PCDHGA6: variants seen among roughly 807,000 people sequenced by gnomAD.
The protein encoded by PCDHGA6 is protocadherin gamma-A6.
Under a neutral mutation model 60.6 loss-of-function variants are expected in PCDHGA6, and 41 were observed. The observed-to-expected ratio is 0.68, with a 90% CI of 0.53 to 0.88. The LOEUF (loss-of-function observed/expected upper bound fraction) is 0.88, where lower values mean the gene tolerates loss of function less well. Ranked by LOEUF, PCDHGA6 falls within the 40% of genes least tolerant of loss-of-function variation. PCDHGA6 has a pLI of 0.00. For synonymous variants in PCDHGA6, 594 were observed against 524.4 expected (o/e 1.13, Z -1.81); for missense variants, 1,312 against 1,203.0 (o/e 1.09, Z -1.34).
intron 2 of PCDHGA6, among the ~76,000 whole-genome samples, chr5:141,495,407 C>T: frequency 6.6e-6 from 1 of 152,218 alleles, no homozygotes; most frequent in East Asian, 1.9e-4. Flanking sequence ...AGGCCCCCTT[C>T]TCCGGCCCCT....
At position 141,476,761 on chromosome 5, in the gene PCDHGA6, G is replaced by C. The variant is rs1293828206; in HGVS notation, c.2425-18046G>C. ...AGCCTAGTCTCCAGTTAGTGCTGAC[G>C]GCGTTGGACGGAGGGACCCCAGCTC... On this transcript the variant is annotated intron_variant, in intron 1 of 3. Transcript: ENST00000517434. This position sits in a 1 kb window ranked among gnomAD's most constrained non-coding sequence, Gnocchi z 7.6. 6.2e-7 allele frequency: 1 copy of C among 1,613,734 alleles called. No individual in the cohort carries two copies. Among genetic ancestry groups the C allele is most frequent in the East Asian group, 2.2e-5 (1 of 44,884 alleles).
rs1156930577 is a variant in PCDHGA6, at chr5:141,375,893, C to G, written c.1810C>G (p.Leu604Val). The change falls in exon 1 of 4, where the codon CTG becomes GTG. Residue 604 changes from leucine to valine, a missense_variant. By Grantham distance (32) the Leu-to-Val change is conservative. Coordinates refer to ENST00000517434, the MANE Select transcript of PCDHGA6 (RefSeq NM_018919.3). ...VDRDSGQNAW[L>V]SYRLLKASEP... ...CAGAGACTCGGGCCAGAACGCCTGG[C>G]TGTCCTACCGCCTGCTCAAGGCCAG... 5.0e-6 allele frequency: 8 copies of G among 1,613,804 alleles called. No homozygotes were observed. Among genetic ancestry groups the G allele is most frequent in the Non-Finnish European group, 5.1e-6 (6 of 1,180,018 alleles).
intron 1 of PCDHGA6, chr5:141,393,852 G>A (rs780721020): frequency 3.1e-6 from 5 of 1,614,004 alleles, no homozygotes; most frequent in South Asian, 1.1e-5. Flanking sequence ...TAGACCAGAA[G>A]TGATCATTAC....
chr5:141,427,766 G>A lies in PCDHGA6; in HGVS notation c.2424+51259G>A, dbSNP rs549550151. The A allele has an allele frequency of 1.1e-4, 152 of 1,386,456 alleles. No homozygotes were observed. In the African/African-American group the frequency reaches 1.8e-3, roughly 17 times the overall value. The allele number at this position is 1,386,456 out of a possible 1,614,324, so 85.9% of individuals were successfully genotyped here. ...CCTACTCCATCGTTACCACTGACTT[G>A]GAGCTGCGGGCACTGTCGTCCTACG... On this transcript the variant is annotated intron_variant, in intron 1 of 3. Transcript: ENST00000517434.
At chr5:141,508,700 CCT>C in intron 3 of PCDHGA6, among the ~76,000 whole-genome samples, 1 of 152,158 alleles carries the variant, frequency 6.6e-6, no homozygotes, top group Non-Finnish European at 1.5e-5. Flanking sequence ...CCGTGTTCCT[CCT>C]CATTCTTTTC....
chr5:141,476,574 G>A lies in PCDHGA6; in HGVS notation c.2425-18233G>A, dbSNP rs746783993. ...AGCGAGGCCGTGGCTCCGGGGACGC[G>A]CTTTCCGCTCGAGAGCGCGCACGAT... is the stretch of plus-strand genomic sequence containing the variant. On this transcript the variant is annotated intron_variant, in intron 1 of 3. Coordinates refer to ENST00000517434, the MANE Select transcript of PCDHGA6 (RefSeq NM_018919.3). The surrounding 1 kb of genome is among the most constrained non-coding windows in gnomAD (Gnocchi z 7.6). 40 of 1,614,084 alleles carry A rather than the reference G, an allele frequency of 2.5e-5. No homozygotes were observed. In the African/African-American group the frequency reaches 3.7e-4, roughly 15 times the overall value.
chr5:141,437,978 C>T (rs1014157103), intron 1 of PCDHGA6, among the ~76,000 whole-genome samples: 2 of 152,212 alleles, frequency 1.3e-5, no homozygotes, highest in East Asian at 1.9e-4. Context: ...TCTTGGGATG[C>T]ACCCACCCCA....
At position 141,404,066 on chromosome 5, in the gene PCDHGA6, C is replaced by G. The variant is rs745515085; in HGVS notation, c.2424+27559C>G. The G allele has an allele frequency of 3.1e-6, 5 of 1,613,776 alleles. No individual in the cohort carries two copies. The East Asian group carries it at 8.9e-5, about 29-fold the overall frequency. On this transcript the variant is annotated intron_variant, in intron 1 of 3. Transcript: ENST00000517434. ...AACAGTAATTCTTCTTTTCAATGCT[C>G]ATGACCGAGACTCCGGGAAGAATGG...
chr5:141,421,380 G>A, intron 1 of PCDHGA6: 1 of 1,614,064 alleles, frequency 6.2e-7, no homozygotes, highest in Non-Finnish European at 8.5e-7. Context: ...ATATCTCCAA[G>A]GACCTGGGGC....
In PCDHGA6 at chr5:141,403,493, A is replaced by G. The variant is rs762825635; in HGVS notation, c.2424+26986A>G. The G allele has an allele frequency of 8.7e-6, 14 of 1,613,886 alleles. No homozygotes were observed. The highest frequency in any genetic ancestry group is 5.0e-5 in the Admixed American group (3 of 59,998). Reference sequence around the variant, plus strand: ...CAGCCCCAATCACCACTTCTCCCTGAACGTGCAGACTGGAGACAATGGAGC... The same window carrying G: ...CAGCCCCAATCACCACTTCTCCCTGGACGTGCAGACTGGAGACAATGGAGC... On this transcript the variant is annotated intron_variant, in intron 1 of 3. Coordinates refer to ENST00000517434, the MANE Select transcript of PCDHGA6 (RefSeq NM_018919.3).
chr5:141,383,913 A>G, intron 1 of PCDHGA6: 1 of 1,613,990 alleles, frequency 6.2e-7, no homozygotes, highest in Non-Finnish European at 8.5e-7. Flanking sequence ...TCACAGTTTT[A>G]GATGTAAATG....
At chr5:141,384,862 T>A in intron 1 of PCDHGA6, 1 of 1,613,686 alleles carries the variant, frequency 6.2e-7, no homozygotes, top group Non-Finnish European at 8.5e-7. Context: ...GCCTCCTCTG[T>A]CAGCCACCGT....
In PCDHGA6 at chr5:141,491,856, C is replaced by A. The variant is rs754113958; in HGVS notation, c.2425-2951C>A. On this transcript the variant is annotated intron_variant, in intron 1 of 3. Coordinates refer to ENST00000517434, the MANE Select transcript of PCDHGA6 (RefSeq NM_018919.3). This position sits in a 1 kb window ranked among gnomAD's most constrained non-coding sequence, Gnocchi z 6.9. ...TCTCGGGATCATTGGACCGTTTGCG[C>A]GAAACCAGAGTGGCCGATTAAGGGA... 6.9e-7 allele frequency: 1 copy of A among 1,458,728 alleles called. No individual in the cohort carries two copies. The highest frequency in any genetic ancestry group is 9.1e-7 in the Non-Finnish European group (1 of 1,103,072). The allele number at this position is 1,458,728 out of a possible 1,614,324, so 90.4% of individuals were successfully genotyped here. A position where few individuals can be genotyped will look rare whatever the true frequency, so the allele number is the denominator to read the frequency against.
At chr5:141,483,955 G>A (rs1244162791) in intron 1 of PCDHGA6, among the ~76,000 whole-genome samples, 1 of 144,218 alleles carries the variant, frequency 6.9e-6, no homozygotes, top group African/African-American at 2.6e-5. Flanking sequence ...ATTGTGTTGT[G>A]TTTCTGTGCT....
In PCDHGA6 at chr5:141,376,296, C is replaced by A. The variant is rs769852070; in HGVS notation, c.2213C>A (p.Ser738Ter). The A allele has an allele frequency of 2.7e-5, 44 of 1,614,066 alleles. No homozygotes were observed. The highest frequency in any genetic ancestry group is 1.6e-4 in the Middle Eastern group (1 of 6,070). The change falls in exon 1 of 4, where the codon TCG (serine) becomes TAG (stop). Residue 738 changes from serine (S) to a stop codon, truncating the protein, a stop_gained. Transcript: ENST00000517434. LOFTEE classifies it high-confidence loss of function. ...SGGGLASMPG[S>*]HFVGVEGVRA... ...GGTGGCTTAGCGAGCATGCCCGGCT[C>A]GCACTTTGTGGGCGTGGAAGGGGTT...
chr5:141,434,481 A>G (rs2097697198), intron 1 of PCDHGA6, among the ~76,000 whole-genome samples: 1 of 152,246 alleles, frequency 6.6e-6, no homozygotes, highest in Non-Finnish European at 1.5e-5. Context: ...GGCAAGGAAC[A>G]CCTGGCCCGC....
intron 1 of PCDHGA6, among the ~76,000 whole-genome samples, chr5:141,456,944 C>G (rs1172050038): frequency 6.6e-6 from 1 of 152,138 alleles, no homozygotes; most frequent in Non-Finnish European, 1.5e-5. Context: ...GCCTGGGCAA[C>G]AGAGCAAAAC....
At position 141,477,744 on chromosome 5, in the gene PCDHGA6, G is replaced by A; in HGVS notation, c.2425-17063G>A. On this transcript the variant is annotated intron_variant, in intron 1 of 3. Coordinates refer to ENST00000517434, the MANE Select transcript of PCDHGA6 (RefSeq NM_018919.3). The surrounding 1 kb of genome is among the most constrained non-coding windows in gnomAD (Gnocchi z 4.9). Reference sequence around the variant, plus strand: ...TTAACAGCTCATATCAGCGATGGGGGCACCCCGGTCCTAGCCACCAACATC... The same window carrying A: ...TTAACAGCTCATATCAGCGATGGGGACACCCCGGTCCTAGCCACCAACATC... 6.2e-7 allele frequency: 1 copy of A among 1,613,778 alleles called. No homozygotes were observed. The highest frequency in any genetic ancestry group is 8.5e-7 in the Non-Finnish European group (1 of 1,180,028).
intron 1 of PCDHGA6, among the ~76,000 whole-genome samples, chr5:141,447,631 A>G (rs59518107): frequency 0.11 from 16,809 of 152,214 alleles, 1,093 homozygotes; most frequent in African/African-American, 0.17. Flanking sequence ...AACCAACAGT[A>G]TGAATGATGG....
Sources: allele counts gnomAD v4.1 joint callset (sites outside exome capture counted in the v4.1 genomes callset), GRCh38; gene constraint gnomAD v4.1.1; non-coding constraint Gnocchi (gnomAD v3.1); transcripts MANE v1.5; gene names NCBI Gene and HGNC (gene_info 2026-07-23, HGNC 2026-07-21).